The following SPAG16 variants were observed in gnomAD, a reference collection of about 807,000 sequenced individuals.
SPAG16 encodes sperm-associated antigen 16 protein.
In SPAG16, 86 loss-of-function variants were observed where a neutral mutation model predicts 80.4. The observed-to-expected ratio is 1.07, with a 90% CI of 0.90 to 1.28. The LOEUF is 1.28. SPAG16 is among the 50% of genes most tolerant of loss of function. The probability of loss-of-function intolerance (pLI) is 0.00; values close to 1 mark genes in which losing one functional copy is unlikely to be tolerated. For synonymous variants in SPAG16, 294 were observed against 265.9 expected, an observed-to-expected ratio of 1.11 and a Z score of -1.03; for missense variants, 870 against 765.3, an observed-to-expected ratio of 1.14 and a Z score of -1.61.
intron 10 of SPAG16, among the ~76,000 whole-genome samples, chr2:213,547,183 T>G (rs1180069175): frequency 1.3e-5 from 2 of 152,144 alleles, no homozygotes; most frequent in Non-Finnish European, 2.9e-5. Flanking sequence ...TGATATAGTT[T>G]CTTCCTATCA....
At chr2:214,327,224 G>A (rs1423497816) in intron 15 of SPAG16, among the ~76,000 whole-genome samples, 3 of 152,134 alleles carry the variant, frequency 2.0e-5, no homozygotes, top group South Asian at 2.1e-4. Flanking sequence ...GCTCCTGATC[G>A]TTTAAACAAT....
intron 6 of SPAG16, among the ~76,000 whole-genome samples, chr2:213,348,435 T>G (rs918666775): frequency 6.6e-5 from 10 of 152,180 alleles, no homozygotes; most frequent in African/African-American, 9.7e-5. Context: ...GTTAGCTGGT[T>G]ATTTTGCTCA....
chr2:213,648,644 T>C (rs778749065), intron 10 of SPAG16, among the ~76,000 whole-genome samples: 37 of 152,074 alleles, frequency 2.4e-4, no homozygotes, highest in Non-Finnish European at 4.4e-4. Flanking sequence ...GCACATCAAT[T>C]GTCTCATCTC....
intron 12 of SPAG16, among the ~76,000 whole-genome samples, chr2:213,946,671 T>G (rs897216871): frequency 6.6e-6 from 1 of 152,204 alleles, no homozygotes; most frequent in Non-Finnish European, 1.5e-5. Context: ...TAACTCAAGC[T>G]CAGACCTCAT....
chr2:213,716,658 C>G (rs1174124283), intron 10 of SPAG16, among the ~76,000 whole-genome samples: 1 of 152,072 alleles, frequency 6.6e-6, no homozygotes, highest in East Asian at 1.9e-4. Flanking sequence ...TTTCTTTAAC[C>G]TATCATTTCT....
intron 10 of SPAG16, among the ~76,000 whole-genome samples, chr2:213,614,002 G>A (rs1247846967): frequency 6.6e-6 from 1 of 152,174 alleles, no homozygotes; most frequent in African/African-American, 2.4e-5. Context: ...AGCTCCTCTA[G>A]GTTTGGGAAC....
intron 13 of SPAG16, among the ~76,000 whole-genome samples, chr2:214,065,109 G>T (rs1038384682): frequency 6.6e-5 from 10 of 151,986 alleles, no homozygotes; most frequent in African/African-American, 2.4e-4. Context: ...AGATGAGAAA[G>T]TTGAGGTTTA....
chr2:214,403,148 G>A (rs530179331), intron 15 of SPAG16, among the ~76,000 whole-genome samples: 1 of 151,308 alleles, frequency 6.6e-6, no homozygotes, highest in Non-Finnish European at 1.5e-5. Flanking sequence ...TACAAGCTGT[G>A]TGGCCTTGGA....
chr2:213,339,106 C>T (rs910184099), intron 5 of SPAG16, among the ~76,000 whole-genome samples: 1 of 151,972 alleles, frequency 6.6e-6, no homozygotes, highest in African/African-American at 2.4e-5. Context: ...GTAATTTGAT[C>T]TTCATCAAGA....
intron 15 of SPAG16, among the ~76,000 whole-genome samples, chr2:214,177,916 C>CATATATATATATATATATATATATAT (rs10622953): frequency 2.2e-5 from 2 of 92,204 alleles, no homozygotes; most frequent in African/African-American, 4.6e-5. Flanking sequence ...TATATATATA[C>CATATATATATATATATATATATATAT]ATATATATAT....
chr2:213,944,007 CAA>C (rs1329041123), intron 12 of SPAG16, among the ~76,000 whole-genome samples: 3 of 152,330 alleles, frequency 2.0e-5, no homozygotes, highest in Admixed American at 2.0e-4. Flanking sequence ...TTCTTCAAGA[CAA>C]GAGAAGAATG....
intron 14 of SPAG16, among the ~76,000 whole-genome samples, chr2:214,132,226 T>C (rs1576306972): frequency 6.6e-6 from 1 of 152,234 alleles, no homozygotes; most frequent in East Asian, 1.9e-4. Context: ...GATTCATTCA[T>C]TCATTTGTTC....
chr2:213,288,563 A>C (rs1289339767), intron 1 of SPAG16, among the ~76,000 whole-genome samples: 1 of 148,374 alleles, frequency 6.7e-6, no homozygotes, highest in Non-Finnish European at 1.5e-5. Flanking sequence ...CATCCGCCTC[A>C]GCCTCCCAAA....
chr2:213,892,542 G>C (rs918262863), intron 11 of SPAG16, among the ~76,000 whole-genome samples: 7 of 152,102 alleles, frequency 4.6e-5, no homozygotes, highest in Non-Finnish European at 8.8e-5. Context: ...TTTTAAGAAA[G>C]CTCAGTGATC....
At position 213,670,061 on chromosome 2, in the gene SPAG16, G is replaced by A. The variant is rs550032346; in HGVS notation, c.1070+179971G>A. Among the ~76,000 whole-genome samples the A allele has an allele frequency of 1.5e-4, 22 of 150,800 alleles. No homozygotes were observed. In the South Asian group the frequency reaches 4.4e-3, roughly 30 times the overall value. ...CACGCAGGCTGGAATGCAGTGGCAC[G>A]ACCTCACCTCACTGCAAACTCTGCC... On this transcript the variant is annotated intron_variant, in intron 10 of 15. Transcript: ENST00000331683.
At chr2:213,722,861 A>C (rs2125399680) in intron 10 of SPAG16, among the ~76,000 whole-genome samples, 1 of 152,132 alleles carries the variant, frequency 6.6e-6, no homozygotes, top group South Asian at 2.1e-4. Context: ...ATAACAGGAA[A>C]CTCAGTTGTT....
chr2:213,776,306 C>G (rs562022267), intron 10 of SPAG16, among the ~76,000 whole-genome samples: 93 of 152,236 alleles, frequency 6.1e-4, no homozygotes, highest in African/African-American at 2.2e-3. Context: ...GGGAGAGAGA[C>G]ACAACATTGC....
rs377087761 is a variant in SPAG16, at chr2:213,969,877, G to A, written c.1400+39732G>A. ...ATAATTATTTAACAGTTAAAAAAAAGGCACAGTAGTTGTCTCACTCCGTTT... is the reference window on the plus strand; with the variant it reads ...ATAATTATTTAACAGTTAAAAAAAAAGCACAGTAGTTGTCTCACTCCGTTT... On this transcript the variant is annotated intron_variant, in intron 12 of 15. Transcript: ENST00000331683. Among the ~76,000 whole-genome samples, 24 of 152,126 alleles carry A rather than the reference G, an allele frequency of 1.6e-4. No homozygotes were observed. The East Asian group carries it at 3.9e-3, about 24-fold the overall frequency.
intron 14 of SPAG16, among the ~76,000 whole-genome samples, chr2:214,113,867 T>A (rs1466802392): frequency 1.3e-5 from 2 of 152,212 alleles, no homozygotes; most frequent in African/African-American, 2.4e-5. Flanking sequence ...GTTCCATTGC[T>A]GGTGAGGAGC....
Sources: gnomAD v4.1 joint callset for allele counts (sites outside exome capture counted in the v4.1 genomes callset) on GRCh38, gnomAD v4.1.1 for gene constraint, MANE v1.5 for transcripts, NCBI Gene and HGNC (gene_info 2026-07-23, HGNC 2026-07-21) for gene names.